Variants in LARP1B observed in about 807,000 individuals in gnomAD.
LARP1B encodes the protein La ribonucleoprotein 1B.
Under a neutral mutation model 114.2 loss-of-function variants are expected in LARP1B, and 76 were observed. The ratio of observed to expected loss-of-function variants is 0.67; its 90% confidence interval spans 0.55 to 0.81. LARP1B has a LOEUF of 0.81. Among genes scored for constraint, LARP1B ranks in the 30% least tolerant of loss-of-function variants. The pLI, the probability that LARP1B is intolerant of heterozygous loss-of-function variation, is 0.00. For missense variants in LARP1B, 1,014 were observed against 1,075.8 expected (o/e 0.94, Z 0.80); for synonymous variants, 345 against 348.0 (o/e 0.99, Z 0.10).
rs1782449676 is a variant in LARP1B at position 128,107,335 on chromosome 4, C to G, written c.988+22C>G. The G allele has an allele frequency of 3.7e-6, 6 of 1,612,228 alleles. No individual in the cohort carries two copies. In the African/African-American group the frequency reaches 4.0e-5, roughly 11 times the overall value. On this transcript the variant is annotated intron_variant, in intron 9 of 19. Transcript: ENST00000326639. The stretch of plus-strand genomic sequence containing the variant: ...ACAGGTAACATCTTTTCTTCTAGAG[C>G]AAACGATGTAACAGTGGGTTATTTG...
chr4:128,169,108 T>A (rs1433013649), intron 12 of LARP1B, among the ~76,000 whole-genome samples: 2 of 152,096 alleles, frequency 1.3e-5, no homozygotes, highest in Non-Finnish European at 2.9e-5. Flanking sequence ...TGTAGAGATA[T>A]CTCTTCTTTC....
At chr4:128,202,133 T>C (rs910167677) in intron 17 of LARP1B, among the ~76,000 whole-genome samples, 4 of 152,202 alleles carry the variant, frequency 2.6e-5, no homozygotes, top group African/African-American at 9.7e-5. Flanking sequence ...ATTACTGATA[T>C]CTCTAATCAA....
At chr4:128,061,709 C>T in intron 1 of LARP1B, 1 of 984,936 alleles carries the variant, frequency 1.0e-6, no homozygotes, top group Non-Finnish European at 1.2e-6. Flanking sequence ...TACTCGCGCC[C>T]CGATGCCCGC....
chr4:128,213,225 T>C (rs561222726), downstream of LARP1B, among the ~76,000 whole-genome samples: 2 of 152,264 alleles, frequency 1.3e-5, no homozygotes, highest in South Asian at 4.1e-4. Flanking sequence ...CTAAATCTCA[T>C]TATTAATGTC....
At chr4:128,214,526 G>C (rs1352731203), downstream of LARP1B, among the ~76,000 whole-genome samples, 2 of 152,066 alleles carry the variant, frequency 1.3e-5, no homozygotes, top group African/African-American at 4.8e-5. Flanking sequence ...CTGGGAGGCA[G>C]GGGCACACTG....
chr4:128,110,846 A>C (rs1332565004), intron 9 of LARP1B, among the ~76,000 whole-genome samples: 4 of 151,796 alleles, frequency 2.6e-5, no homozygotes, highest in African/African-American at 9.7e-5. Context: ...GTTGGCGAAT[A>C]TATTGAAATA....
intron 3 of LARP1B, among the ~76,000 whole-genome samples, chr4:128,076,359 G>C (rs999511268): frequency 2.0e-4 from 30 of 152,226 alleles, no homozygotes; most frequent in African/African-American, 7.0e-4. Context: ...GCATTTTCTA[G>C]AATTTTATAT....
At chr4:128,169,660 G>A (rs915599215) in intron 12 of LARP1B, among the ~76,000 whole-genome samples, 9 of 150,892 alleles carry the variant, frequency 6.0e-5, no homozygotes, top group Admixed American at 1.3e-4. Context: ...ACAGAATCTC[G>A]GAGTCTCGCC....
intron 7 of LARP1B, chr4:128,093,074 G>A: frequency 1.0e-6 from 1 of 982,732 alleles, no homozygotes; most frequent in Non-Finnish European, 1.2e-6. Flanking sequence ...CAAAATGTCA[G>A]ACATGGCATT....
chr4:128,122,459 G>GTTTTGT, intron 11 of LARP1B: 1 of 1,465,314 alleles, frequency 6.8e-7, no homozygotes, highest in African/African-American at 1.6e-5. Context: ...TTTTTGTTTT[G>GTTTTGT]TTTTTTTTTG....
At chr4:128,126,113 CTT>C (rs76050129) in intron 11 of LARP1B, among the ~76,000 whole-genome samples, 29 of 136,078 alleles carry the variant, frequency 2.1e-4, no homozygotes, top group African/African-American at 8.6e-4. Flanking sequence ...TTAAAATAAT[CTT>C]TTTTTTTTTT....
chr4:128,065,329 C>T (rs199996916), intron 1 of LARP1B, among the ~76,000 whole-genome samples: 11,916 of 104,686 alleles, frequency 0.11, 1,095 homozygotes, highest in South Asian at 0.18. Flanking sequence ...CTCTCTCTCT[C>T]TCTTTCCTTT....
intron 1 of LARP1B, chr4:128,061,706 G>T (rs1440475657): frequency 1.0e-6 from 1 of 984,902 alleles, no homozygotes; most frequent in Non-Finnish European, 1.2e-6. Context: ...GTCTACTCGC[G>T]CCCCGATGCC....
At chr4:128,107,547 G>C in intron 9 of LARP1B, 1 of 1,373,002 alleles carries the variant, frequency 7.3e-7, no homozygotes, top group Non-Finnish European at 9.5e-7. Flanking sequence ...TAAATTATAT[G>C]TGTACTTTGT....
chr4:128,124,532 C>T (rs781241740), intron 11 of LARP1B, among the ~76,000 whole-genome samples: 2 of 152,148 alleles, frequency 1.3e-5, no homozygotes, highest in African/African-American at 2.4e-5. Flanking sequence ...ATCATTTATG[C>T]GCCATGTTAA....
intron 15 of LARP1B, among the ~76,000 whole-genome samples, chr4:128,180,704 A>C (rs1168064209): frequency 6.6e-6 from 1 of 152,228 alleles, no homozygotes; most frequent in African/African-American, 2.4e-5. Flanking sequence ...ATTATGAATA[A>C]AGCTGCTATA....
intron 18 of LARP1B, chr4:128,206,971 C>A: frequency 2.7e-6 from 1 of 370,860 alleles, no homozygotes; most frequent in Non-Finnish European, 3.7e-6. Flanking sequence ...CCCTTGCTAG[C>A]CTCAGTTTTC....
In LARP1B at chr4:128,176,893, A is replaced by G; in HGVS notation, c.1670A>G (p.His557Arg). Reference sequence around the variant, plus strand: ...GCAGGAGGTGTTCAAGGAGTGCTTCACATTCCCAAGAAAGGTAACATCTGT... The same window carrying G: ...GCAGGAGGTGTTCAAGGAGTGCTTCGCATTCCCAAGAAAGGTAACATCTGT... ...SRQGGVQGVL[H>R]IPKKDLTDEL... The change falls in exon 13 of 20, where the codon CAC becomes CGC. Residue 557 changes from histidine (H) to arginine (R), a missense_variant. Physicochemically the swap from His to Arg is conservative, Grantham distance 29. Coordinates refer to ENST00000326639, the MANE Select transcript of LARP1B (RefSeq NM_018078.4). 6.2e-7 allele frequency: 1 copy of G among 1,614,026 alleles called. No individual in the cohort carries two copies. The highest frequency in any genetic ancestry group is 1.3e-5 in the African/African-American group (1 of 75,070).
At chr4:128,081,358 C>T (rs902985561) in intron 4 of LARP1B, among the ~76,000 whole-genome samples, 28 of 146,726 alleles carry the variant, frequency 1.9e-4, no homozygotes, top group African/African-American at 6.8e-4. Flanking sequence ...GGATTACAGG[C>T]ATGAGCCACT....
Sources: gnomAD v4.1 joint callset for allele counts (sites outside exome capture counted in the v4.1 genomes callset) on GRCh38, gnomAD v4.1.1 for gene constraint, MANE v1.5 for transcripts, NCBI Gene and HGNC (gene_info 2026-07-23, HGNC 2026-07-21) for gene names.